Variants in MEGF11 observed in about 807,000 individuals in gnomAD.
The protein encoded by MEGF11 is multiple EGF like domains 11.
MEGF11 carries 126 observed loss-of-function variants against 146.6 expected under a neutral mutation model. That is an observed-to-expected ratio of 0.86 (90% CI 0.74 to 1.00). The LOEUF (loss-of-function observed/expected upper bound fraction) is 1.00, where lower values mean the gene tolerates loss of function less well. Among genes scored for constraint, MEGF11 ranks in the 50% least tolerant of loss-of-function variants. MEGF11 has a pLI of 0.00. For missense variants in MEGF11, 1,509 were observed against 1,521.2 expected (o/e 0.99, Z 0.13); for synonymous variants, 532 against 583.4 (o/e 0.91, Z 1.27).
At chr15:65,921,744 T>C (rs1045948275) in intron 15 of MEGF11, 1 of 152,494 alleles carries the variant, frequency 6.6e-6, no homozygotes, top group African/African-American at 2.4e-5. Flanking sequence ...TCAGGGTTTT[T>C]CCCCCACAAA....
At chr15:66,133,083 A>G in intron 1 of MEGF11, among the ~76,000 whole-genome samples, 1 of 152,180 alleles carries the variant, frequency 6.6e-6, no homozygotes. Context: ...CCAAAGACCC[A>G]TCCCAACAGC....
At chr15:66,141,780 A>C (rs564441872) in intron 1 of MEGF11, among the ~76,000 whole-genome samples, 2 of 152,268 alleles carry the variant, frequency 1.3e-5, no homozygotes, top group African/African-American at 4.8e-5. Flanking sequence ...GAACCATGTT[A>C]GGTCACAATA....
At chr15:65,898,529 C>T in intron 25 of MEGF11, 199 bp downstream of exon 25, 1 of 985,282 alleles carries the variant, frequency 1.0e-6, no homozygotes, top group Middle Eastern at 5.2e-4. Flanking sequence ...TTTTTTAAAG[C>T]AGAGTTGGTA....
At chr15:66,124,132 C>T (rs12912920) in intron 2 of MEGF11, 132 bp from the exon 3 acceptor site, 14 of 695,126 alleles carry the variant, frequency 2.0e-5, no homozygotes, top group African/African-American at 8.8e-5. Context: ...TGACCTCCCC[C>T]CTCCCAACTA....
At position 65,957,732 on chromosome 15, in the gene MEGF11, G is replaced by A. The variant is rs778524799; in HGVS notation, c.1113-11C>T. 3.1e-6 allele frequency: 5 copies of A among 1,613,136 alleles called. No individual in the cohort carries two copies. The African/African-American group carries it at 6.7e-5, about 22-fold the overall frequency. On this transcript the variant is annotated splice_polypyrimidine_tract_variant and intron_variant, in intron 9 of 25. Transcript: ENST00000395614. ...GTTACTGGGTGGCAGCTGCACAGATGAGAGAAGGGTGAGAAGACAGCTTGT... is the reference window on the plus strand; with the variant it reads ...GTTACTGGGTGGCAGCTGCACAGATAAGAGAAGGGTGAGAAGACAGCTTGT...
intron 5 of MEGF11, among the ~76,000 whole-genome samples, chr15:66,050,780 C>T (rs2084417321): frequency 1.3e-5 from 2 of 152,224 alleles, no homozygotes; most frequent in African/African-American, 4.8e-5. Context: ...ATCTTCCCAG[C>T]CAGGGCCCAC....
intron 1 of MEGF11, among the ~76,000 whole-genome samples, chr15:66,153,123 T>C (rs2141044513): frequency 6.6e-6 from 1 of 152,270 alleles, no homozygotes; most frequent in South Asian, 2.1e-4. Flanking sequence ...GTCTCTAAAC[T>C]TCTCACAAAG....
At chr15:66,033,329 T>A (rs1197254513) in intron 5 of MEGF11, among the ~76,000 whole-genome samples, 1 of 152,074 alleles carries the variant, frequency 6.6e-6, no homozygotes, top group Non-Finnish European at 1.5e-5. Context: ...GAGGGCAGAA[T>A]GGTTTTGGGG....
intron 1 of MEGF11, among the ~76,000 whole-genome samples, chr15:66,233,106 G>A (rs12439601): frequency 0.054 from 8,232 of 152,206 alleles, 246 homozygotes; most frequent in East Asian, 0.11. Flanking sequence ...GTTAAGCAGC[G>A]TGCTCATATC....
chr15:66,056,697 G>T (rs1030339113), intron 5 of MEGF11, among the ~76,000 whole-genome samples: 9 of 152,330 alleles, frequency 5.9e-5, no homozygotes, highest in African/African-American at 1.9e-4. Flanking sequence ...CCCAGAAGGG[G>T]ATAGAGTGAA....
At chr15:66,002,693 A>G (rs903733850) in intron 5 of MEGF11, among the ~76,000 whole-genome samples, 9 of 152,250 alleles carry the variant, frequency 5.9e-5, no homozygotes, top group Non-Finnish European at 1.2e-4. Context: ...CAAGCACATG[A>G]TAAATGCACA....
chr15:65,964,930 AG>A lies in MEGF11; in HGVS notation c.1089del (p.Cys364ValfsTer12). 2 of 1,569,544 alleles carry A rather than the reference AG, an allele frequency of 1.3e-6. No homozygotes were observed. Among genetic ancestry groups the A allele is most frequent in the South Asian group, 1.2e-5 (1 of 85,498 alleles). ...TACCTGATGGTGTTGTCAGCGTCACAGGGGCAGGGCAGGGTGCAGCCTGGGC... is the reference window on the plus strand; with the variant it reads ...TACCTGATGGTGTTGTCAGCGTCACAGGGCAGGGCAGGGTGCAGCCTGGGC... The part of the protein sequence containing the change: ...LHGPGCTLPC[P>X]CDADNTISCH... On this transcript the variant is annotated frameshift_variant, in exon 9 of 26. Coordinates refer to ENST00000395614, the MANE Select transcript of MEGF11 (RefSeq NM_001385028.1). LOFTEE classifies it high-confidence loss of function.
chr15:65,932,161 G>C (rs978272903), intron 10 of MEGF11, among the ~76,000 whole-genome samples: 1 of 152,174 alleles, frequency 6.6e-6, no homozygotes, highest in Admixed American at 6.5e-5. Context: ...TGCTGATCTG[G>C]CAGGAAGCTC....
At chr15:66,237,483 G>T (rs1206132353) in intron 1 of MEGF11, among the ~76,000 whole-genome samples, 2 of 152,156 alleles carry the variant, frequency 1.3e-5, no homozygotes, top group Non-Finnish European at 2.9e-5. Context: ...AGTGACAATG[G>T]CTGCCGTTTT....
At chr15:65,921,454 A>G (rs751728607) in intron 15 of MEGF11, among the ~76,000 whole-genome samples, 11 of 152,132 alleles carry the variant, frequency 7.2e-5, no homozygotes, top group Non-Finnish European at 1.6e-4. Flanking sequence ...GCTTTGCCCA[A>G]GCTGCTTCCT....
intron 1 of MEGF11, among the ~76,000 whole-genome samples, chr15:66,161,585 G>A (rs573760362): frequency 6.6e-6 from 1 of 152,192 alleles, no homozygotes; most frequent in South Asian, 2.1e-4. Flanking sequence ...TGGAGACAGG[G>A]TTTCACCATG....
At chr15:66,246,610 G>T (rs2092299437) in intron 1 of MEGF11, among the ~76,000 whole-genome samples, 1 of 151,822 alleles carries the variant, frequency 6.6e-6, no homozygotes, top group South Asian at 2.1e-4. Context: ...CAGGACACTA[G>T]CCTGGGCAAT....
chr15:65,933,047 A>G (rs1370734303), intron 10 of MEGF11, among the ~76,000 whole-genome samples: 1 of 152,120 alleles, frequency 6.6e-6, no homozygotes, highest in Non-Finnish European at 1.5e-5. Flanking sequence ...TGTGGGCCAC[A>G]GAGAGAACCG....
chr15:66,183,264 C>G (rs1421119686), intron 1 of MEGF11, among the ~76,000 whole-genome samples: 2 of 152,100 alleles, frequency 1.3e-5, no homozygotes, highest in Non-Finnish European at 2.9e-5. Flanking sequence ...CTTTGGGAGG[C>G]TGAGATGGGA....
Sources: allele counts gnomAD v4.1 joint callset (sites outside exome capture counted in the v4.1 genomes callset), GRCh38; gene constraint gnomAD v4.1.1; transcripts MANE v1.5; gene names NCBI Gene and HGNC (gene_info 2026-07-23, HGNC 2026-07-21).